Variants in PIEZO2 observed in about 807,000 individuals in gnomAD.
PIEZO2 encodes the protein piezo-type mechanosensitive ion channel component 2.
A neutral mutation model predicts 337.3 loss-of-function variants in PIEZO2; 172 were observed. The observed-to-expected ratio is 0.51, with a 90% CI of 0.45 to 0.58. The LOEUF is 0.58. Among genes scored for constraint, PIEZO2 ranks in the 20% least tolerant of loss-of-function variants. The probability of loss-of-function intolerance (pLI) is 0.00; values close to 1 mark genes in which losing one functional copy is unlikely to be tolerated. For synonymous variants in PIEZO2, 1,251 were observed against 1,228.5 expected, an observed-to-expected ratio of 1.02 and a Z score of -0.38; for missense variants, 3,028 against 3,391.3, an observed-to-expected ratio of 0.89 and a Z score of 2.66.
At chr18:10,768,165 T>G (rs1422882078) in intron 21 of PIEZO2, among the ~76,000 whole-genome samples, 2 of 152,164 alleles carry the variant, frequency 1.3e-5, no homozygotes. Context: ...AGCTTCTACC[T>G]GGGGAGGGAC....
chr18:11,030,173 A>G (rs139399552), intron 2 of PIEZO2, among the ~76,000 whole-genome samples: 1 of 152,330 alleles, frequency 6.6e-6, no homozygotes, highest in East Asian at 1.9e-4. Context: ...ACTAATGGTA[A>G]TAAACACAAC....
At position 11,143,600 on chromosome 18, in the gene PIEZO2, A is replaced by AACAC. The variant is rs57885955; in HGVS notation, c.64+4921_64+4924dup. Among the ~76,000 whole-genome samples the AACAC allele has an allele frequency of 4.9e-3, 518 of 106,636 alleles. 2 individuals are homozygous for AACAC. Among genetic ancestry groups the AACAC allele is most frequent in the South Asian group, 0.019 (45 of 2,372 alleles). The allele number at this position is 106,636 out of a possible 152,430, so 70.0% of individuals were successfully genotyped here. Reference sequence around the variant, plus strand: ...AAAATCCTGAGAACTAAAAATCTCTAACACACACACACACACACACACACA... The same window carrying AACAC: ...AAAATCCTGAGAACTAAAAATCTCTAACACACACACACACACACACACACACACA... On this transcript the variant is annotated intron_variant, in intron 1 of 55. Coordinates refer to ENST00000674853, the MANE Select transcript of PIEZO2 (RefSeq NM_001378183.1). This position sits in a 1 kb window ranked among gnomAD's most constrained non-coding sequence, Gnocchi z 4.9.
intron 1 of PIEZO2, among the ~76,000 whole-genome samples, chr18:11,119,659 G>C (rs1170609834): frequency 6.6e-6 from 1 of 152,158 alleles, no homozygotes; most frequent in East Asian, 1.9e-4. Context: ...TGGTTCCAGA[G>C]TATAAATACA....
At chr18:10,689,589 C>T (rs1451907289) in intron 49 of PIEZO2, 66 bp downstream of exon 49, 6 of 1,604,396 alleles carry the variant, frequency 3.7e-6, no homozygotes, top group Admixed American at 3.3e-5. Flanking sequence ...AGTTCACATT[C>T]ATCTTATAAC....
rs2039217390 is a variant in PIEZO2, at chr18:11,094,885, G to A, written c.65-28663C>T. On this transcript the variant is annotated intron_variant, in intron 1 of 55. Transcript: ENST00000674853. The surrounding 1 kb of genome is among the most constrained non-coding windows in gnomAD (Gnocchi z 4.4). ...CAGTGAGACACCACAGGGATGGCCTGACTGAAAGCCATCTGAGGAACTCTG... is the reference window on the plus strand; with the variant it reads ...CAGTGAGACACCACAGGGATGGCCTAACTGAAAGCCATCTGAGGAACTCTG... 6.6e-6 allele frequency among the ~76,000 whole-genome samples: 1 copy of A among 152,186 alleles called. No individual in the cohort carries two copies. The highest frequency in any genetic ancestry group is 6.5e-5 in the Admixed American group (1 of 15,276).
chr18:10,677,097 G>T lies in PIEZO2; in HGVS notation c.8081+650C>A, dbSNP rs534691922. Among the ~76,000 whole-genome samples, 1 of 152,342 alleles carries T rather than the reference G, an allele frequency of 6.6e-6. No individual in the cohort carries two copies. Among genetic ancestry groups the T allele is most frequent in the Admixed American group, 6.5e-5 (1 of 15,304 alleles). On this transcript the variant is annotated intron_variant, in intron 53 of 55. Coordinates refer to ENST00000674853, the MANE Select transcript of PIEZO2 (RefSeq NM_001378183.1). The surrounding 1 kb of genome is among the most constrained non-coding windows in gnomAD (Gnocchi z 4.1). ...GGAGACAGCCACTCTGCAGACTGAA[G>T]ACAGACCTGGAAGAATAATGTCTGT...
In PIEZO2 at chr18:10,705,824, C is replaced by T. The variant is rs1009056222; in HGVS notation, c.5589-78G>A. On this transcript the variant is annotated intron_variant, in intron 40 of 55. Coordinates refer to ENST00000674853, the MANE Select transcript of PIEZO2 (RefSeq NM_001378183.1). ...GGGGTTCTTTCCCATTCCTGAGAGA[C>T]CTCATCAGAACTCCTAAGGAAATGC... 3.5e-6 allele frequency: 5 copies of T among 1,424,324 alleles called. No individual in the cohort carries two copies. In the African/African-American group the frequency reaches 7.2e-5, roughly 20 times the overall value. The allele number at this position is 1,424,324 out of a possible 1,614,324, so 88.2% of individuals were successfully genotyped here. A position where few individuals can be genotyped will look rare whatever the true frequency, so the allele number is the denominator to read the frequency against.
At chr18:10,777,771 T>A (rs2038839673) in intron 18 of PIEZO2, among the ~76,000 whole-genome samples, 1 of 152,180 alleles carries the variant, frequency 6.6e-6, no homozygotes, top group Admixed American at 6.5e-5. Flanking sequence ...AAAGGTGACT[T>A]GCACCTGTGT....
chr18:10,686,819 T>C (rs769374033), intron 49 of PIEZO2, among the ~76,000 whole-genome samples: 1 of 152,116 alleles, frequency 6.6e-6, no homozygotes, highest in Non-Finnish European at 1.5e-5. Context: ...TTTCAGACAG[T>C]GCAAAGATGT....
rs1338806103 is a variant in PIEZO2 at position 10,973,631 on chromosome 18, G to A, written c.286+5904C>T. Among the ~76,000 whole-genome samples, 3 of 152,152 alleles carry A rather than the reference G, an allele frequency of 2.0e-5. No homozygotes were observed. Among genetic ancestry groups the A allele is most frequent in the Non-Finnish European group, 2.9e-5 (2 of 68,018 alleles). ...AGTTTTTTAAATTGTTGTATTGAGC[G>A]GCAACATCTGCTTTCAGGAAGCTGG... On this transcript the variant is annotated intron_variant, in intron 3 of 55. Coordinates refer to ENST00000674853, the MANE Select transcript of PIEZO2 (RefSeq NM_001378183.1). The surrounding 1 kb of genome is among the most constrained non-coding windows in gnomAD (Gnocchi z 4.9).
intron 1 of PIEZO2, among the ~76,000 whole-genome samples, chr18:11,091,383 C>CAAAAAAAAAAAAAAAAAAAAAAAA (rs529307821): frequency 1.3e-5 from 1 of 77,858 alleles, no homozygotes; most frequent in African/African-American, 4.2e-5. Context: ...GACTCCGTCT[C>CAAAAAAAAAAAAAAAAAAAAAAAA]AAAAAAAAAA....
intron 1 of PIEZO2, among the ~76,000 whole-genome samples, chr18:11,136,547 T>A (rs1054016776): frequency 6.6e-6 from 1 of 152,258 alleles, no homozygotes; most frequent in Non-Finnish European, 1.5e-5. Context: ...AGACTGATTT[T>A]GGGCCCCAAG....
rs574126534 is a variant in PIEZO2 at position 10,837,321 on chromosome 18, C to T, written c.917+18032G>A. The stretch of plus-strand genomic sequence containing the variant: ...TGATCCTCAAGGGAAGAAAAGAAGT[C>T]CCCTGTGAGGGGAACACAGCATCTT... On this transcript the variant is annotated intron_variant, in intron 7 of 55. Coordinates refer to ENST00000674853, the MANE Select transcript of PIEZO2 (RefSeq NM_001378183.1). The surrounding 1 kb of genome is among the most constrained non-coding windows in gnomAD (Gnocchi z 4.4). Among the ~76,000 whole-genome samples, 7 of 152,354 alleles carry T rather than the reference C, an allele frequency of 4.6e-5. No homozygotes were observed. In the South Asian group the frequency reaches 1.4e-3, roughly 32 times the overall value.
intron 3 of PIEZO2, among the ~76,000 whole-genome samples, chr18:10,956,325 A>C (rs1482124990): frequency 1.3e-5 from 2 of 152,224 alleles, no homozygotes; most frequent in African/African-American, 4.8e-5. Flanking sequence ...AAATTTAACC[A>C]GGAGAGGAAA....
rs564713829 is a variant in PIEZO2, at chr18:10,982,691, A to C, written c.161-3031T>G. Among the ~76,000 whole-genome samples the C allele has an allele frequency of 3.2e-4, 48 of 152,276 alleles. No homozygotes were observed. Among genetic ancestry groups the C allele is most frequent in the Middle Eastern group, 3.4e-3 (1 of 294 alleles). Reference sequence around the variant, plus strand: ...GTGGGTGAGGTTGGTGTATCATAGCAGATATTAAAATATGTTATAAAACCA... The same window carrying C: ...GTGGGTGAGGTTGGTGTATCATAGCCGATATTAAAATATGTTATAAAACCA... On this transcript the variant is annotated intron_variant, in intron 2 of 55. Coordinates refer to ENST00000674853, the MANE Select transcript of PIEZO2 (RefSeq NM_001378183.1). The surrounding 1 kb of genome is among the most constrained non-coding windows in gnomAD (Gnocchi z 4.1).
At chr18:10,836,486 G>T (rs1329993809) in intron 7 of PIEZO2, among the ~76,000 whole-genome samples, 1 of 152,160 alleles carries the variant, frequency 6.6e-6, no homozygotes, top group East Asian at 1.9e-4. Flanking sequence ...ATTGAGGAAA[G>T]GAGCTACAAC....
In PIEZO2 at chr18:10,854,302, T is replaced by G. The variant is rs966929298; in HGVS notation, c.917+1051A>C. Among the ~76,000 whole-genome samples, 1 of 152,212 alleles carries G rather than the reference T, an allele frequency of 6.6e-6. No homozygotes were observed. Among genetic ancestry groups the G allele is most frequent in the African/African-American group, 2.4e-5 (1 of 41,460 alleles). The stretch of plus-strand genomic sequence containing the variant: ...TTTGATCATGTTGACTTCAATCAAT[T>G]CCTCAAGATATTGATCACACCTTTG... On this transcript the variant is annotated intron_variant, in intron 7 of 55. Transcript: ENST00000674853. This position sits in a 1 kb window ranked among gnomAD's most constrained non-coding sequence, Gnocchi z 4.6.
intron 2 of PIEZO2, among the ~76,000 whole-genome samples, chr18:10,992,650 G>A (rs1193962693): frequency 6.6e-6 from 1 of 152,190 alleles, no homozygotes; most frequent in Admixed American, 6.5e-5. Flanking sequence ...ATAGTTTGAA[G>A]TCAGGTACCG....
At chr18:11,023,526 C>T (rs1030292082) in intron 2 of PIEZO2, among the ~76,000 whole-genome samples, 15 of 152,316 alleles carry the variant, frequency 9.8e-5, no homozygotes, top group African/African-American at 3.4e-4. Context: ...ATTTACAATC[C>T]CTTAGCTAGA....
Sources: allele counts gnomAD v4.1 joint callset (sites outside exome capture counted in the v4.1 genomes callset), GRCh38; gene constraint gnomAD v4.1.1; non-coding constraint Gnocchi (gnomAD v3.1); transcripts MANE v1.5; gene names NCBI Gene and HGNC (gene_info 2026-07-23, HGNC 2026-07-21).